The following ZNF423 variants were observed in gnomAD, a reference collection of about 807,000 sequenced individuals.
ZNF423 encodes the protein Ebf-associated zinc finger protein.
Under a neutral mutation model 95.8 loss-of-function variants are expected in ZNF423, and 12 were observed. The observed-to-expected ratio is 0.13, with a 90% CI of 0.08 to 0.20. The LOEUF (loss-of-function observed/expected upper bound fraction) is 0.20. ZNF423 is among the 10% of genes least tolerant of loss of function. ZNF423 has a pLI of 1.00. For synonymous variants in ZNF423, 749 were observed against 711.9 expected, an observed-to-expected ratio of 1.05 and a Z score of -0.83; for missense variants, 1,316 against 1,737.1, an observed-to-expected ratio of 0.76 and a Z score of 4.31.
chr16:49,542,384 AT>A (rs1198166893), intron 5 of ZNF423, among the ~76,000 whole-genome samples: 2 of 152,344 alleles, frequency 1.3e-5, no homozygotes, highest in Admixed American at 1.3e-4. Flanking sequence ...TGCTTGATGC[AT>A]AGGATTGAGT....
rs148016163 is a variant in ZNF423, at chr16:49,670,921, T to C, written c.302-32047A>G. Among the ~76,000 whole-genome samples, 850 of 152,330 alleles carry C rather than the reference T, an allele frequency of 5.6e-3. 11 individuals carry two copies. Among genetic ancestry groups the C allele is most frequent in the African/African-American group, 0.02 (820 of 41,562 alleles). ...TGGGAATGGAATTGTGCTTGCAGCC[T>C]AGATCGGAGGCTACTTCCCTTAGGG... is the stretch of plus-strand genomic sequence containing the variant. On this transcript the variant is annotated intron_variant, in intron 3 of 7. Coordinates refer to ENST00000563137, the MANE Select transcript of ZNF423 (RefSeq NM_001379286.1).
At chr16:49,704,637 C>T (rs917530350) in intron 3 of ZNF423, among the ~76,000 whole-genome samples, 3 of 152,162 alleles carry the variant, frequency 2.0e-5, no homozygotes, top group African/African-American at 7.2e-5. Flanking sequence ...TAAATGAAGG[C>T]TTTGTTCCCA....
chr16:49,854,208 G>C (rs1401390380), intron 1 of ZNF423: 3 of 985,408 alleles, frequency 3.0e-6, no homozygotes, highest in Non-Finnish European at 2.4e-6. Context: ...AGACCAGCCA[G>C]GGTGAGGCGA....
intron 6 of ZNF423, 52 bp downstream of exon 6, chr16:49,525,311 G>A: frequency 6.2e-7 from 1 of 1,603,058 alleles, no homozygotes; most frequent in Non-Finnish European, 8.5e-7. Flanking sequence ...TAACAGGGCA[G>A]GGCTCCTGTG....
At chr16:49,708,632 C>A (rs938614571) in intron 3 of ZNF423, among the ~76,000 whole-genome samples, 2 of 152,130 alleles carry the variant, frequency 1.3e-5, no homozygotes, top group Non-Finnish European at 2.9e-5. Context: ...CCTCAGGGAC[C>A]CCTCCCCGAC....
chr16:49,733,707 C>T (rs2033222044), intron 2 of ZNF423, among the ~76,000 whole-genome samples: 2 of 152,116 alleles, frequency 1.3e-5, no homozygotes, highest in African/African-American at 4.8e-5. Context: ...CCAAGGGGTC[C>T]CAGCCTGGCC....
At chr16:49,670,902 T>C (rs898613834) in intron 3 of ZNF423, among the ~76,000 whole-genome samples, 8 of 152,200 alleles carry the variant, frequency 5.3e-5, no homozygotes, top group African/African-American at 1.9e-4. Flanking sequence ...ATGATGGGAA[T>C]GGAATTGTGC....
At chr16:49,606,878 C>T (rs1376198970) in intron 5 of ZNF423, among the ~76,000 whole-genome samples, 2 of 152,006 alleles carry the variant, frequency 1.3e-5, no homozygotes, top group African/African-American at 4.8e-5. Flanking sequence ...CCATGCAAGC[C>T]GTGTGAAGGC....
intron 5 of ZNF423, among the ~76,000 whole-genome samples, chr16:49,568,501 A>T (rs980609203): frequency 1.3e-5 from 2 of 151,510 alleles, no homozygotes; most frequent in African/African-American, 4.9e-5. Context: ...AACTCAAAAA[A>T]CCTCTGACAA....
chr16:49,517,998 G>A (rs935511888), intron 7 of ZNF423: 23 of 451,144 alleles, frequency 5.1e-5, no homozygotes, highest in East Asian at 3.5e-4. Flanking sequence ...TTTTTCTACC[G>A]TAAGCTAAAA....
intron 1 of ZNF423, among the ~76,000 whole-genome samples, chr16:49,826,433 G>T (rs2035005969): frequency 6.6e-6 from 1 of 152,184 alleles, no homozygotes; most frequent in African/African-American, 2.4e-5. Context: ...AGTCAGGCTG[G>T]ATTGATTCAT....
intron 1 of ZNF423, among the ~76,000 whole-genome samples, chr16:49,795,593 G>A (rs993909755): frequency 9.2e-5 from 14 of 152,226 alleles, no homozygotes; most frequent in African/African-American, 2.9e-4. Context: ...CCCTGGAAGG[G>A]CCCAAGGGCA....
Position 49,638,478 on chromosome 16 carries a change from G to C in ZNF423, c.698C>G (p.Thr233Ser). Residue 233 changes from threonine to serine, a missense_variant, in exon 4 of 8, where the codon ACT becomes AGT. This residue lies in a region of ZNF423 where 399 missense variants were observed against 478.5 expected (regional missense o/e 0.83). Transcript: ENST00000563137. The surrounding 1 kb of genome is among the most constrained non-coding windows in gnomAD (Gnocchi z 5.6). ...THSSSKPFKC[T>S]VCKRGFSSTS... ...GGAGGAGAAGCCGCGCTTGCACACAGTGCACTTGAAGGGCTTGCTGGAGCT... is the reference window on the plus strand; with the variant it reads ...GGAGGAGAAGCCGCGCTTGCACACACTGCACTTGAAGGGCTTGCTGGAGCT... 3 of 1,613,870 alleles carry C rather than the reference G, an allele frequency of 1.9e-6. No individual in the cohort carries two copies. Among genetic ancestry groups the C allele is most frequent in the Non-Finnish European group, 2.5e-6 (3 of 1,180,040 alleles).
intron 2 of ZNF423, 87 bp from the exon 3 acceptor site, chr16:49,731,058 C>T (rs1205233996): frequency 5.6e-6 from 8 of 1,436,926 alleles, no homozygotes; most frequent in African/African-American, 1.4e-5. Flanking sequence ...TATTAAGATA[C>T]ATTTAATTAC....
chr16:49,546,806 G>C (rs1969459325), intron 5 of ZNF423, among the ~76,000 whole-genome samples: 4 of 152,026 alleles, frequency 2.6e-5, no homozygotes, highest in Non-Finnish European at 5.9e-5. Flanking sequence ...AAAGGTCATT[G>C]AGTTTGTGAC....
At chr16:49,857,338 C>T (rs1304821599), upstream of ZNF423, among the ~76,000 whole-genome samples, 1 of 148,524 alleles carries the variant, frequency 6.7e-6, no homozygotes, top group African/African-American at 2.4e-5. This position sits in a 1 kb window ranked among gnomAD's most constrained non-coding sequence, Gnocchi z 6.2. Flanking sequence ...AGGCACGGCG[C>T]GGGCGCGGGC....
At chr16:49,608,376 G>A (rs1971609961) in intron 5 of ZNF423, among the ~76,000 whole-genome samples, 1 of 152,150 alleles carries the variant, frequency 6.6e-6, no homozygotes, top group South Asian at 2.1e-4. Flanking sequence ...TCCACACCCT[G>A]AGTCCTACAA....
chr16:49,659,434 C>A (rs1385254638), intron 3 of ZNF423, among the ~76,000 whole-genome samples: 1 of 152,224 alleles, frequency 6.6e-6, no homozygotes, highest in African/African-American at 2.4e-5. Context: ...AATCCTTTCA[C>A]TAGACCCCCC....
intron 5 of ZNF423, among the ~76,000 whole-genome samples, chr16:49,549,172 C>T (rs74574409): frequency 0.012 from 1,877 of 152,304 alleles, 43 homozygotes; most frequent in African/African-American, 0.041. Context: ...AGGACTTCCA[C>T]TGGGCTTTGG....
Sources: allele counts gnomAD v4.1 joint callset (sites outside exome capture counted in the v4.1 genomes callset), GRCh38; gene constraint gnomAD v4.1.1; regional missense constraint gnomAD v4.1.1; non-coding constraint Gnocchi (gnomAD v3.1); transcripts MANE v1.5; gene names NCBI Gene and HGNC (gene_info 2026-07-23, HGNC 2026-07-21).